Variants in MALRD1 observed in about 807,000 individuals in gnomAD.
MALRD1 encodes the protein MAM and LDL receptor class A domain containing 1.
In MALRD1, 247 loss-of-function variants were observed where a neutral mutation model predicts 242.1. The ratio of observed to expected loss-of-function variants is 1.02; its 90% CI spans 0.92 to 1.13. The LOEUF (loss-of-function observed/expected upper bound fraction) is 1.13, where lower values mean the gene tolerates loss of function less well. MALRD1 is among the 50% of genes most tolerant of loss of function. The probability of loss-of-function intolerance (pLI) is 0.00; values close to 1 mark genes in which losing one functional copy is unlikely to be tolerated. For missense variants in MALRD1, 2,989 were observed against 2,533.1 expected, an observed-to-expected ratio of 1.18 and a Z score of -3.86; for synonymous variants, 995 against 866.6, an observed-to-expected ratio of 1.15 and a Z score of -2.60.
chr10:19,098,391 A>G (rs182719521), intron 4 of MALRD1, among the ~76,000 whole-genome samples: 49 of 152,316 alleles, frequency 3.2e-4, no homozygotes, highest in Admixed American at 1.0e-3. Context: ...CTATTTAGAA[A>G]GAATAGAATT....
intron 28 of MALRD1, among the ~76,000 whole-genome samples, chr10:19,437,069 A>G (rs953032): frequency 0.71 from 108,488 of 151,954 alleles, 38,846 homozygotes; most frequent in Non-Finnish European, 0.75. Flanking sequence ...AAAGTGCAAC[A>G]AATATTAGCA....
Position 19,072,898 on chromosome 10 carries a change from T to G in MALRD1, c.340+6039T>G, listed in dbSNP as rs955081416. 2.8e-4 allele frequency among the ~76,000 whole-genome samples: 42 copies of G among 152,140 alleles called. 1 individual carries two copies. Among genetic ancestry groups the G allele is most frequent in the Middle Eastern group, 3.4e-3 (1 of 294 alleles). On this transcript the variant is annotated intron_variant, in intron 2 of 39. Transcript: ENST00000454679. ...TAACGAAATGGAATTACAGTGTCTT[T>G]TTTTCACTTACCTTCCCCCCCTTTT...
chr10:19,157,644 G>A (rs369696786), intron 12 of MALRD1, among the ~76,000 whole-genome samples: 10 of 152,260 alleles, frequency 6.6e-5, no homozygotes, highest in Admixed American at 2.6e-4. Flanking sequence ...GAATTGGAAC[G>A]TATTGATAAT....
At chr10:19,656,863 A>G (rs944739833) in intron 36 of MALRD1, among the ~76,000 whole-genome samples, 2 of 152,138 alleles carry the variant, frequency 1.3e-5, no homozygotes, top group African/African-American at 2.4e-5. Flanking sequence ...CATTTGCTGT[A>G]ATACCTTTAT....
rs1387292552 is a variant in MALRD1 at position 19,344,416 on chromosome 10, CTTTTA to C, written c.3902-3351_3902-3347del. ...CAGCATCATTGACAAGACTGTCCTA[CTTTTA>C]TTTAATTGTTTTTGTACCTTTGTCA... On this transcript the variant is annotated intron_variant, in intron 24 of 39. Transcript: ENST00000454679. Among the ~76,000 whole-genome samples the C allele has an allele frequency of 1.2e-4, 18 of 152,072 alleles. No individual in the cohort carries two copies. In the East Asian group the frequency reaches 2.3e-3, roughly 20 times the overall value.
At chr10:19,675,353 C>T (rs1343404457) in intron 36 of MALRD1, among the ~76,000 whole-genome samples, 2 of 152,136 alleles carry the variant, frequency 1.3e-5, no homozygotes, top group South Asian at 2.1e-4. Flanking sequence ...GTTCAGAGGC[C>T]GTGAATTTAC....
intron 21 of MALRD1, among the ~76,000 whole-genome samples, chr10:19,319,838 G>A (rs1024786019): frequency 6.6e-6 from 1 of 151,890 alleles, no homozygotes; most frequent in African/African-American, 2.4e-5. Context: ...TGTGAATTTG[G>A]GGGGAACACA....
chr10:19,444,146 T>C (rs1431321773), intron 28 of MALRD1, among the ~76,000 whole-genome samples: 1 of 152,182 alleles, frequency 6.6e-6, no homozygotes, highest in Non-Finnish European at 1.5e-5. Context: ...CTTTTTTTTA[T>C]TTTCCATTTG....
intron 17 of MALRD1, among the ~76,000 whole-genome samples, chr10:19,208,137 CA>C (rs892186026): frequency 8.6e-5 from 13 of 151,200 alleles, no homozygotes; most frequent in Non-Finnish European, 1.3e-4. Context: ...CTGCTAAAAG[CA>C]AAACATCAGA....
At position 19,387,621 on chromosome 10, in the gene MALRD1, CT is replaced by C; in HGVS notation, c.4536del (p.Asp1513MetfsTer30). 6.5e-7 allele frequency: 1 copy of C among 1,550,358 alleles called. No individual in the cohort carries two copies. Among genetic ancestry groups the C allele is most frequent in the Non-Finnish European group, 8.7e-7 (1 of 1,146,886 alleles). On this transcript the variant is annotated frameshift_variant, in exon 27 of 40. Coordinates refer to ENST00000454679, the MANE Select transcript of MALRD1 (RefSeq NM_001142308.3). LOFTEE classifies it high-confidence loss of function. The stretch of plus-strand genomic sequence containing the variant: ...TTCGTAGATAACTGTGGAGATAATA[CT>C]GATGAAAATGAGTGTGGTAGCTCCT... ...CNFVDNCGDN[T>X]DENECGSSCT... is the part of the protein sequence containing the mutation.
intron 1 of MALRD1, among the ~76,000 whole-genome samples, chr10:19,065,731 C>A (rs867765067): frequency 3.3e-5 from 5 of 152,118 alleles, no homozygotes; most frequent in African/African-American, 1.2e-4. Context: ...TTCTGTTTCT[C>A]CCTAGTCTCT....
intron 28 of MALRD1, among the ~76,000 whole-genome samples, chr10:19,406,756 T>C (rs1003316714): frequency 4.6e-5 from 7 of 152,146 alleles, no homozygotes; most frequent in Admixed American, 6.6e-5. Context: ...TCACACATGG[T>C]GAATGTTCAA....
At chr10:19,112,735 A>C (rs1352212472) in intron 5 of MALRD1, among the ~76,000 whole-genome samples, 1 of 152,196 alleles carries the variant, frequency 6.6e-6, no homozygotes, top group African/African-American at 2.4e-5. Context: ...CTGAATATTT[A>C]GCTTTTAGCC....
intron 34 of MALRD1, among the ~76,000 whole-genome samples, chr10:19,604,257 C>G (rs948932606): frequency 3.9e-5 from 6 of 152,130 alleles, no homozygotes; most frequent in African/African-American, 1.4e-4. Context: ...TGACATATGT[C>G]TGCTGAACCC....
intron 12 of MALRD1, among the ~76,000 whole-genome samples, chr10:19,158,925 T>C (rs896585145): frequency 6.6e-6 from 1 of 152,228 alleles, no homozygotes; most frequent in African/African-American, 2.4e-5. Context: ...TTTTGGATCA[T>C]GTCCTGCAAT....
At chr10:19,350,626 C>T (rs1844333027) in intron 25 of MALRD1, among the ~76,000 whole-genome samples, 3 of 152,106 alleles carry the variant, frequency 2.0e-5, no homozygotes, top group Admixed American at 1.3e-4. Flanking sequence ...TAGGCTTTGT[C>T]GTCACCAGAT....
chr10:19,205,296 T>C (rs1836736828), intron 17 of MALRD1, 31 bp downstream of exon 17: 1 of 1,507,780 alleles, frequency 6.6e-7, no homozygotes, highest in Non-Finnish European at 8.9e-7. Context: ...GGATTCTCTT[T>C]CTCATTTTGA....
intron 35 of MALRD1, among the ~76,000 whole-genome samples, chr10:19,614,261 A>T (rs1306015733): frequency 6.6e-6 from 1 of 152,022 alleles, no homozygotes; most frequent in East Asian, 1.9e-4. Flanking sequence ...AGCTGAGAAG[A>T]GCAACTGGGC....
intron 33 of MALRD1, among the ~76,000 whole-genome samples, chr10:19,578,054 C>T (rs1836918604): frequency 6.6e-6 from 1 of 152,124 alleles, no homozygotes; most frequent in Admixed American, 6.5e-5. Context: ...TGCTGGAAAG[C>T]GTCCAGACTT....
Sources: gnomAD v4.1 joint callset for allele counts (sites outside exome capture counted in the v4.1 genomes callset) on GRCh38, gnomAD v4.1.1 for gene constraint, MANE v1.5 for transcripts, NCBI Gene and HGNC (gene_info 2026-07-23, HGNC 2026-07-21) for gene names.